Variants in INSR observed in about 807,000 individuals in gnomAD.
The protein encoded by INSR is insulin receptor.
In INSR, 67 loss-of-function variants were observed where a neutral mutation model predicts 142.6. The observed-to-expected ratio is 0.47, with a 90% CI of 0.39 to 0.58. The LOEUF is 0.58. Ranked by LOEUF, INSR falls within the 20% of genes least tolerant of loss-of-function variation. INSR has a pLI of 0.00. For synonymous variants in INSR, 756 were observed against 743.1 expected (o/e 1.02, Z -0.28); for missense variants, 1,248 against 1,833.2 (o/e 0.68, Z 5.83).
At chr19:7,249,633 AG>A (rs1302967733) in intron 2 of INSR, among the ~76,000 whole-genome samples, 3 of 152,056 alleles carry the variant, frequency 2.0e-5, no homozygotes, top group African/African-American at 7.2e-5. Flanking sequence ...GAACTGCTTG[AG>A]CCCTGGAGTT....
chr19:7,183,085 C>A (rs983099070), intron 3 of INSR, among the ~76,000 whole-genome samples: 2 of 152,170 alleles, frequency 1.3e-5, no homozygotes, highest in Middle Eastern at 3.4e-3. Flanking sequence ...GTCATAAGAA[C>A]TGAAATTACA....
intron 13 of INSR, among the ~76,000 whole-genome samples, chr19:7,133,855 C>G (rs1403033846): frequency 2.6e-5 from 4 of 152,088 alleles, no homozygotes; most frequent in Admixed American, 2.6e-4. Context: ...GAGCAAGACT[C>G]CATCTCAAAA....
At position 7,216,910 on chromosome 19, in the gene INSR, C is replaced by G. The variant is rs1335908380; in HGVS notation, c.653-32273G>C. Among the ~76,000 whole-genome samples the G allele has an allele frequency of 6.6e-6, 1 of 152,092 alleles. No individual in the cohort carries two copies. The highest frequency in any genetic ancestry group is 1.9e-4 in the East Asian group (1 of 5,198). Reference sequence around the variant, plus strand: ...CACTGCAGCCTCGAACTCCTGGGCTCAAGCAATCCTCCCACCTCAACCTCC... The same window carrying G: ...CACTGCAGCCTCGAACTCCTGGGCTGAAGCAATCCTCCCACCTCAACCTCC... On this transcript the variant is annotated intron_variant, in intron 2 of 21. Coordinates refer to ENST00000302850, the MANE Select transcript of INSR (RefSeq NM_000208.4). The surrounding 1 kb of genome is among the most constrained non-coding windows in gnomAD (Gnocchi z 4.2).
At chr19:7,275,755 C>G (rs1600121803) in intron 1 of INSR, among the ~76,000 whole-genome samples, 1 of 151,458 alleles carries the variant, frequency 6.6e-6, no homozygotes, top group East Asian at 1.9e-4. Context: ...CCATTACACT[C>G]CAGCCTGGAT....
Position 7,152,838 on chromosome 19 carries a change from C to CG in INSR, c.2118dup (p.Gly707ArgfsTer23). On this transcript the variant is annotated frameshift_variant, in exon 10 of 22. Transcript: ENST00000302850. LOFTEE classifies it high-confidence loss of function. ...GTCTTTGGACAGGAGCAGCATTCGC[C>CG]GGCCGAATCCTCATACTCACTCTGG... 1 of 1,613,464 alleles carries CG rather than the reference C, an allele frequency of 6.2e-7. No homozygotes were observed. The highest frequency in any genetic ancestry group is 8.5e-7 in the Non-Finnish European group (1 of 1,179,904).
chr19:7,166,924 C>CATAA lies in INSR; in HGVS notation c.1611-524_1611-521dup, dbSNP rs74174870. ...ACAAAGGGAGACTCTGTTTCAAAAA[C>CATAA]ATAAATAAATAAATAAATAAATAAA... is the stretch of plus-strand genomic sequence containing the variant. On this transcript the variant is annotated intron_variant, in intron 7 of 21. Coordinates refer to ENST00000302850, the MANE Select transcript of INSR (RefSeq NM_000208.4). The surrounding 1 kb of genome is among the most constrained non-coding windows in gnomAD (Gnocchi z 4.1). Among the ~76,000 whole-genome samples the CATAA allele has an allele frequency of 0.055, 7,061 of 128,040 alleles. 234 individuals carry two copies. The highest frequency in any genetic ancestry group is 0.099 in the African/African-American group (3,526 of 35,516). 84.0% of individuals were successfully genotyped at this position (128,040 alleles called of 152,430 possible). A position where few individuals can be genotyped will look rare whatever the true frequency, so the allele number is the denominator to read the frequency against.
At position 7,267,392 on chromosome 19, in the gene INSR, T is replaced by A. The variant is rs1967767546; in HGVS notation, c.605A>T (p.Asn202Ile). The change falls in exon 2 of 22, where the codon AAC becomes ATC. Residue 202 changes from asparagine to isoleucine, a missense_variant. This residue lies in a region of INSR where 1,069 missense variants were observed against 1,654.0 expected (regional missense o/e 0.65). Transcript: ENST00000302850. This position sits in a 1 kb window ranked among gnomAD's most constrained non-coding sequence, Gnocchi z 6.3. ...CCAACATCGTTCGACAAACTGCCCG[T>A]TGATGACGGTGGCGGGGCAGTTGGT... ...GKTNCPATVI[N>I]GQFVERCWTH... is the part of the protein sequence containing the mutation. 6.2e-7 allele frequency: 1 copy of A among 1,614,100 alleles called. No individual in the cohort carries two copies. Among genetic ancestry groups the A allele is most frequent in the African/African-American group, 1.3e-5 (1 of 74,950 alleles).
rs1291518060 is a variant in INSR, at chr19:7,132,239, A to G, written c.2761T>C (p.Tyr921His). 1.9e-6 allele frequency: 3 copies of G among 1,614,216 alleles called. No individual in the cohort carries two copies. The Admixed American group carries it at 5.0e-5, about 27-fold the overall frequency. The change falls in exon 14 of 22, where the codon TAC becomes CAC. Residue 921 changes from tyrosine to histidine, a missense_variant. Around this residue, in one of 3 missense-constraint regions of INSR, gnomAD observed 1,069 missense variants for 1,654.0 expected, o/e 0.65. Coordinates refer to ENST00000302850, the MANE Select transcript of INSR (RefSeq NM_000208.4). ...CRLRGLSPGN[Y>H]SVRIRATSLA... The stretch of plus-strand genomic sequence containing the variant: ...GAGGTGGCCCGGATTCGCACGCTGT[A>G]GTTCCCCGGTGACAGCCCACGCAGC...
chr19:7,141,895 C>T (rs991809164), intron 12 of INSR, 79 bp from the exon 13 acceptor site: 22 of 1,203,042 alleles, frequency 1.8e-5, no homozygotes, highest in African/African-American at 3.0e-5. Context: ...ATGGTGCAAC[C>T]TTGGGCTGGT....
At chr19:7,132,509 A>G (rs541515665) in intron 13 of INSR, among the ~76,000 whole-genome samples, 192 bp from the exon 14 acceptor site, 3 of 152,222 alleles carry the variant, frequency 2.0e-5, no homozygotes, top group Non-Finnish European at 2.9e-5. Flanking sequence ...ATAAAGATAT[A>G]TGCAGAGGTT....
At chr19:7,291,456 T>C (rs1968493495) in intron 1 of INSR, among the ~76,000 whole-genome samples, 1 of 152,226 alleles carries the variant, frequency 6.6e-6, no homozygotes, top group Admixed American at 6.5e-5. Context: ...GAAGGTATTA[T>C]GCAGAGAATA....
At chr19:7,201,863 G>A (rs1487137905) in intron 2 of INSR, among the ~76,000 whole-genome samples, 2 of 151,880 alleles carry the variant, frequency 1.3e-5, no homozygotes, top group South Asian at 2.1e-4. Flanking sequence ...GGGTTTCACC[G>A]TGTTAACCAG....
In INSR at chr19:7,114,176, T is replaced by C. The variant is rs1408634301; in HGVS notation, c.*2880A>G. ...TTGCATTAGGTGTTTGTGTGTAAGG[T>C]GCATCACCAGCCTGAAAGGAGTGGG... On this transcript the variant is annotated 3_prime_UTR_variant, in exon 22 of 22. Coordinates refer to ENST00000302850, the MANE Select transcript of INSR (RefSeq NM_000208.4). 6.6e-6 allele frequency: 1 copy of C among 151,348 alleles called. No individual in the cohort carries two copies. Among genetic ancestry groups the C allele is most frequent in the Non-Finnish European group, 1.5e-5 (1 of 67,992 alleles). The allele number at this position is 151,348 out of a possible 1,614,324, so 9.4% of individuals were successfully genotyped here.
chr19:7,122,128 CA>C (rs1972505908), intron 19 of INSR, among the ~76,000 whole-genome samples: 1 of 128,400 alleles, frequency 7.8e-6, no homozygotes. Flanking sequence ...GGCGACAGAG[CA>C]AGACTCCATG....
intron 1 of INSR, among the ~76,000 whole-genome samples, chr19:7,277,356 A>G (rs573833949): frequency 5.3e-5 from 8 of 151,818 alleles, no homozygotes; most frequent in African/African-American, 1.2e-4. Context: ...TTTGCTGGGC[A>G]TCTCGGTGGG....
At chr19:7,259,345 G>C (rs994036209) in intron 2 of INSR, among the ~76,000 whole-genome samples, 1 of 152,014 alleles carries the variant, frequency 6.6e-6, no homozygotes, top group Non-Finnish European at 1.5e-5. Flanking sequence ...TGGGGTGCGC[G>C]GCGGAAGGGG....
Position 7,158,712 on chromosome 19 carries a change from T to C in INSR, c.2029+4320A>G, listed in dbSNP as rs1973675730. 2.0e-5 allele frequency among the ~76,000 whole-genome samples: 3 copies of C among 152,142 alleles called. No homozygotes were observed. The South Asian group carries it at 6.2e-4, about 32-fold the overall frequency. On this transcript the variant is annotated intron_variant, in intron 9 of 21. Transcript: ENST00000302850. ...CGCACAACCACGGCAATGCACTTAA[T>C]GCAGCTCAACTGTGCTCTTAAACAT...
At chr19:7,272,063 G>A (rs551415162) in intron 1 of INSR, among the ~76,000 whole-genome samples, 2 of 152,080 alleles carry the variant, frequency 1.3e-5, no homozygotes, top group Non-Finnish European at 2.9e-5. Context: ...CCAGCACTGC[G>A]GGAGGCCGAG....
chr19:7,150,426 C>A lies in INSR; in HGVS notation c.2267+71G>T. ...AAGCCACAGAAACCCCTGGGTTCTC[C>A]GAGGCATCTGCCTGGCACGCCGCCG... On this transcript the variant is annotated intron_variant, in intron 11 of 21. Coordinates refer to ENST00000302850, the MANE Select transcript of INSR (RefSeq NM_000208.4). The surrounding 1 kb of genome is among the most constrained non-coding windows in gnomAD (Gnocchi z 4.2). 1 of 1,438,956 alleles carries A rather than the reference C, an allele frequency of 6.9e-7. No individual in the cohort carries two copies. The highest frequency in any genetic ancestry group is 9.8e-7 in the Non-Finnish European group (1 of 1,024,694). The allele number at this position is 1,438,956 out of a possible 1,614,324, so 89.1% of individuals were successfully genotyped here.
Sources: gnomAD v4.1 joint callset for allele counts (sites outside exome capture counted in the v4.1 genomes callset) on GRCh38, gnomAD v4.1.1 for gene constraint, gnomAD v4.1.1 regional missense constraint, Gnocchi (gnomAD v3.1) non-coding constraint, MANE v1.5 for transcripts, NCBI Gene and HGNC (gene_info 2026-07-23, HGNC 2026-07-21) for gene names.